Variants in PTPN14 observed in about 807,000 individuals in gnomAD.
The protein encoded by PTPN14 is protein tyrosine phosphatase non-receptor type 14, also known as tyrosine-protein phosphatase non-receptor type 14.
In PTPN14, 53 loss-of-function variants were observed where a neutral mutation model predicts 126.8. The observed-to-expected ratio is 0.42, with a 90% CI of 0.34 to 0.53. PTPN14 has a LOEUF of 0.53. Among genes scored for constraint, PTPN14 ranks in the 20% least tolerant of loss-of-function variants. The probability of loss-of-function intolerance (pLI) is 0.08; values close to 1 mark genes in which losing one functional copy is unlikely to be tolerated. For synonymous variants in PTPN14, 630 were observed against 599.3 expected (o/e 1.05, Z -0.75); for missense variants, 1,257 against 1,552.9 (o/e 0.81, Z 3.20).
At chr1:214,536,644 G>A (rs1277207177) in intron 1 of PTPN14, among the ~76,000 whole-genome samples, 2 of 151,958 alleles carry the variant, frequency 1.3e-5, no homozygotes, top group African/African-American at 2.4e-5. Context: ...AATTAGCTGG[G>A]CATGGTACCA....
intron 1 of PTPN14, among the ~76,000 whole-genome samples, chr1:214,527,103 A>AG (rs1399153952): frequency 2.6e-5 from 4 of 152,042 alleles, no homozygotes; most frequent in African/African-American, 9.7e-5. Flanking sequence ...AAAAAAGAAA[A>AG]AAAAAAAAAC....
At chr1:214,393,822 T>C in intron 9 of PTPN14, 45 bp from the exon 10 acceptor site, 2 of 1,420,108 alleles carry the variant, frequency 1.4e-6, no homozygotes. Context: ...TTTGTTGAAT[T>C]AGTTATACAT....
intron 2 of PTPN14, among the ~76,000 whole-genome samples, chr1:214,454,514 T>C (rs1488591908): frequency 6.6e-6 from 1 of 152,108 alleles, no homozygotes; most frequent in Admixed American, 6.5e-5. Flanking sequence ...ATGGAATATA[T>C]ACACACGAAC....
intron 2 of PTPN14, among the ~76,000 whole-genome samples, chr1:214,459,352 T>C (rs1223547063): frequency 1.3e-5 from 2 of 151,804 alleles, no homozygotes; most frequent in Middle Eastern, 3.4e-3. Flanking sequence ...GGGGTTTCAC[T>C]ATGTTGGCCA....
chr1:214,484,459 T>C (rs1661069247), intron 1 of PTPN14, among the ~76,000 whole-genome samples: 1 of 152,154 alleles, frequency 6.6e-6, no homozygotes, highest in Non-Finnish European at 1.5e-5. Flanking sequence ...AGTTAGGAGA[T>C]GGCTGAGTTA....
chr1:214,403,006 T>G, intron 5 of PTPN14, 53 bp from the exon 6 acceptor site: 1 of 1,568,972 alleles, frequency 6.4e-7, no homozygotes, highest in East Asian at 2.2e-5. Flanking sequence ...CATTTGCTAT[T>G]TTGCTTGCAA....
At chr1:214,399,550 G>A (rs921266361) in intron 7 of PTPN14, among the ~76,000 whole-genome samples, 2 of 152,102 alleles carry the variant, frequency 1.3e-5, no homozygotes, top group African/African-American at 2.4e-5. Context: ...AAGCCAAGAG[G>A]AGACCTGTCC....
At chr1:214,460,524 A>AACACACACAC (rs10522279) in intron 2 of PTPN14, among the ~76,000 whole-genome samples, 4,834 of 132,564 alleles carry the variant, frequency 0.036, 271 homozygotes, top group African/African-American at 0.12. Context: ...TGAAAATTCC[A>AACACACACAC]ACACACACAC....
At chr1:214,530,337 CTT>C (rs1219471589) in intron 1 of PTPN14, 26 of 129,032 alleles carry the variant, frequency 2.0e-4, no homozygotes, top group Admixed American at 5.4e-4. Flanking sequence ...CTTTTCTTTT[CTT>C]TTTTTTTTTT....
intron 1 of PTPN14, among the ~76,000 whole-genome samples, chr1:214,522,961 A>T (rs1003218164): frequency 6.6e-6 from 1 of 152,224 alleles, no homozygotes; most frequent in Non-Finnish European, 1.5e-5. Context: ...GGGAAACACT[A>T]AATCGAGATC....
Position 214,364,352 on chromosome 1 carries a change from G to A in PTPN14, c.3435+160C>T, listed in dbSNP as rs542424122. Among the ~76,000 whole-genome samples the A allele has an allele frequency of 2.0e-5, 3 of 152,262 alleles. No homozygotes were observed. The highest frequency in any genetic ancestry group is 2.9e-5 in the Non-Finnish European group (2 of 68,020). The stretch of plus-strand genomic sequence containing the variant: ...GGAGGGCAAAAAGATAAGGAGGGCT[G>A]TAAATGTCAGAGTCAAACTAGGAAC... On this transcript the variant is annotated intron_variant, in intron 18 of 18. Coordinates refer to ENST00000366956, the MANE Select transcript of PTPN14 (RefSeq NM_005401.5). The surrounding 1 kb of genome is among the most constrained non-coding windows in gnomAD (Gnocchi z 4.1).
At chr1:214,393,367 G>A (rs528334342) in intron 10 of PTPN14, among the ~76,000 whole-genome samples, 10 of 152,252 alleles carry the variant, frequency 6.6e-5, no homozygotes, top group South Asian at 2.1e-4. Flanking sequence ...CGTCTGACAC[G>A]AAGGGGCACC....
chr1:214,365,340 C>T (rs1658057049), intron 17 of PTPN14, among the ~76,000 whole-genome samples: 1 of 152,136 alleles, frequency 6.6e-6, no homozygotes, highest in African/African-American at 2.4e-5. Flanking sequence ...CTGCTTGGCT[C>T]AGCAGGGCTG....
rs145894163 is a variant in PTPN14 at position 214,543,975 on chromosome 1, G to A, written c.-155+7208C>T. On this transcript the variant is annotated intron_variant, in intron 1 of 18. Transcript: ENST00000366956. ...TTATCTGCAAAATGGCAACATCATC[G>A]TCATCATGGCTATGGCTACCCAACC... Among the ~76,000 whole-genome samples, 10 of 152,240 alleles carry A rather than the reference G, an allele frequency of 6.6e-5. No homozygotes were observed. The East Asian group carries it at 1.5e-3, about 24-fold the overall frequency.
intron 13 of PTPN14, among the ~76,000 whole-genome samples, chr1:214,381,516 C>T (rs536427367): frequency 4.9e-4 from 74 of 152,332 alleles, no homozygotes; most frequent in African/African-American, 1.7e-3. Context: ...AAAGTCATAT[C>T]TGTATAAAAA....
At chr1:214,516,810 C>G (rs1558138094) in intron 1 of PTPN14, among the ~76,000 whole-genome samples, 1 of 152,234 alleles carries the variant, frequency 6.6e-6, no homozygotes, top group East Asian at 1.9e-4. Flanking sequence ...CTAATCTTTA[C>G]AAACAGAAAA....
chr1:214,425,885 T>C (rs1056440148), intron 3 of PTPN14, among the ~76,000 whole-genome samples: 7 of 152,022 alleles, frequency 4.6e-5, no homozygotes, highest in Non-Finnish European at 7.4e-5. Flanking sequence ...ATAGCCACTA[T>C]CCCATTTATC....
chr1:214,490,730 C>G (rs981372108), intron 1 of PTPN14, among the ~76,000 whole-genome samples: 1 of 150,014 alleles, frequency 6.7e-6, no homozygotes, highest in South Asian at 2.1e-4. Context: ...CCAGCTACTT[C>G]GGAGGCTACA....
chr1:214,433,740 G>T (rs1308066507), intron 3 of PTPN14, among the ~76,000 whole-genome samples: 1 of 151,968 alleles, frequency 6.6e-6, no homozygotes, highest in African/African-American at 2.4e-5. Flanking sequence ...CTGTCAGCAA[G>T]AAATCAAGAA....
Sources: gnomAD v4.1 joint callset for allele counts (sites outside exome capture counted in the v4.1 genomes callset) on GRCh38, gnomAD v4.1.1 for gene constraint, Gnocchi (gnomAD v3.1) non-coding constraint, MANE v1.5 for transcripts, NCBI Gene and HGNC (gene_info 2026-07-23, HGNC 2026-07-21) for gene names.